GRIK1: variants seen among roughly 807,000 people sequenced by gnomAD.
GRIK1 encodes glutamate ionotropic receptor kainate type subunit 1.
A neutral mutation model predicts 105.7 loss-of-function variants in GRIK1; 69 were observed. The ratio of observed to expected loss-of-function variants is 0.65; its 90% CI spans 0.54 to 0.80. The LOEUF (loss-of-function observed/expected upper bound fraction) is 0.80. GRIK1 is among the 30% of genes least tolerant of loss of function. The pLI is 0.00. For missense variants in GRIK1, 1,109 were observed against 1,167.3 expected (o/e 0.95, Z 0.73); for synonymous variants, 438 against 431.3 (o/e 1.02, Z -0.19).
chr21:29,841,603 G>A (rs890979802), intron 1 of GRIK1, among the ~76,000 whole-genome samples: 1 of 151,992 alleles, frequency 6.6e-6, no homozygotes, highest in Non-Finnish European at 1.5e-5. Context: ...CATCACAAAG[G>A]AACATAAATG....
intron 7 of GRIK1, among the ~76,000 whole-genome samples, chr21:29,608,298 T>C (rs1568880185): frequency 6.6e-6 from 1 of 152,162 alleles, no homozygotes; most frequent in South Asian, 2.1e-4. Context: ...AGAAAATATG[T>C]TCCAAAGTAT....
intron 1 of GRIK1, among the ~76,000 whole-genome samples, chr21:29,709,285 T>TC (rs1280832823): frequency 2.0e-5 from 3 of 149,112 alleles, no homozygotes; most frequent in East Asian, 1.9e-4. Context: ...CTTCTTTTTT[T>TC]TTTTTTTTTT....
intron 6 of GRIK1, among the ~76,000 whole-genome samples, chr21:29,644,049 G>T (rs1207893796): frequency 6.6e-6 from 1 of 152,036 alleles, no homozygotes; most frequent in Non-Finnish European, 1.5e-5. Flanking sequence ...CATTTTCAGA[G>T]TTAAACCTAG....
chr21:29,592,221 C>A (rs1054551666), intron 9 of GRIK1, among the ~76,000 whole-genome samples: 1 of 152,184 alleles, frequency 6.6e-6, no homozygotes, highest in Non-Finnish European at 1.5e-5. Context: ...CAGCAGCTAG[C>A]GTCTTCTGTT....
At chr21:29,911,954 G>A (rs1353063513) in intron 1 of GRIK1, among the ~76,000 whole-genome samples, 1 of 152,062 alleles carries the variant, frequency 6.6e-6, no homozygotes, top group East Asian at 1.9e-4. Context: ...TGTGATTGCT[G>A]AATGAATGTT....
Position 29,668,061 on chromosome 21 carries a change from T to A in GRIK1, c.726+4922A>T, listed in dbSNP as rs923235555. Among the ~76,000 whole-genome samples, 167 of 152,312 alleles carry A rather than the reference T, an allele frequency of 1.1e-3. 14 individuals carry two copies. The highest frequency in any genetic ancestry group is 3.4e-3 in the Middle Eastern group (1 of 294). On this transcript the variant is annotated intron_variant, in intron 4 of 17. Transcript: ENST00000327783. The stretch of plus-strand genomic sequence containing the variant: ...AAGAAAATATGACTTTGGGGATGAT[T>A]TACTGAAAGAATCTAGAACAGTTCT...
At chr21:29,924,372 G>A (rs1459879373) in intron 1 of GRIK1, among the ~76,000 whole-genome samples, 1 of 151,474 alleles carries the variant, frequency 6.6e-6, no homozygotes. Context: ...AAGAAGGTTA[G>A]ATGGAAGAAG....
At chr21:29,924,635 A>T (rs1379202511) in intron 1 of GRIK1, among the ~76,000 whole-genome samples, 3 of 152,174 alleles carry the variant, frequency 2.0e-5, no homozygotes, top group Non-Finnish European at 4.4e-5. Flanking sequence ...TTAATGTCTC[A>T]AAAAATTTTA....
intron 1 of GRIK1, among the ~76,000 whole-genome samples, chr21:29,860,354 C>A (rs914497493): frequency 6.6e-6 from 1 of 152,172 alleles, no homozygotes; most frequent in African/African-American, 2.4e-5. Context: ...TCTTTTGGCT[C>A]AAGACAAGGG....
intron 1 of GRIK1, among the ~76,000 whole-genome samples, chr21:29,795,027 AATTTTTTTT>A (rs1181016542): frequency 8.5e-5 from 7 of 82,152 alleles, no homozygotes; most frequent in Admixed American, 5.0e-4. Flanking sequence ...CTTTGCTCTA[AATTTTTTTT>A]TTTTTTTTTT....
chr21:29,654,398 C>A (rs891774539), intron 5 of GRIK1, among the ~76,000 whole-genome samples: 45 of 152,204 alleles, frequency 3.0e-4, no homozygotes, highest in Admixed American at 1.2e-3. Context: ...TAACCCCTGG[C>A]TAACCCAGCT....
intron 1 of GRIK1, among the ~76,000 whole-genome samples, chr21:29,883,137 A>G (rs2069484851): frequency 6.6e-6 from 1 of 152,100 alleles, no homozygotes; most frequent in South Asian, 2.1e-4. Flanking sequence ...AGTATTTAAT[A>G]TATTTGGAAG....
Position 29,541,575 on chromosome 21 carries a change from C to CTTTTTTTTTTTTTT in GRIK1, c.2608-3705_2608-3692dup, listed in dbSNP as rs34910439. Among the ~76,000 whole-genome samples, 260 of 95,946 alleles carry CTTTTTTTTTTTTTT rather than the reference C, an allele frequency of 2.7e-3. 28 individuals are homozygous for CTTTTTTTTTTTTTT. The highest frequency in any genetic ancestry group is 0.011 in the African/African-American group (228 of 20,932). The allele number at this position is 95,946 out of a possible 152,430, so 62.9% of individuals were successfully genotyped here. ...CTATGCCATTCATTGCACTCACGGT[C>CTTTTTTTTTTTTTT]TTTTTTTTTTTTTTTTTTTTTGTGG... On this transcript the variant is annotated intron_variant, in intron 16 of 17. Coordinates refer to ENST00000327783, the MANE Select transcript of GRIK1 (RefSeq NM_001330994.2).
chr21:29,639,330 G>A (rs1253677296), intron 7 of GRIK1, among the ~76,000 whole-genome samples: 5 of 152,170 alleles, frequency 3.3e-5, no homozygotes, highest in Non-Finnish European at 5.9e-5. Flanking sequence ...GACTGAAAAC[G>A]CATAGCTTGG....
In GRIK1 at chr21:29,555,111, C is replaced by T. The variant is rs761256708; in HGVS notation, c.2548G>A (p.Val850Ile). 6.8e-6 allele frequency: 11 copies of T among 1,611,904 alleles called. No homozygotes were observed. In the African/African-American group the frequency reaches 1.5e-4, roughly 22 times the overall value. ...IVLAAGLVLS[V>I]FVAIGEFIYK... ...ATGAATTCTCCAATAGCTACAAATA[C>T]AGAAAGGACCAGTCCGGCAGCCAGA... is the stretch of plus-strand genomic sequence containing the variant. The change falls in exon 16 of 18, where the codon GTA (valine) becomes ATA (isoleucine). Residue 850 changes from valine (V) to isoleucine (I), a missense_variant. Transcript: ENST00000327783.
At chr21:29,814,646 G>A (rs1409110456) in intron 1 of GRIK1, among the ~76,000 whole-genome samples, 1 of 152,122 alleles carries the variant, frequency 6.6e-6, no homozygotes, top group East Asian at 1.9e-4. Flanking sequence ...GTTTGGGGTT[G>A]TTATGGTGAC....
rs35063316 is a variant in GRIK1, at chr21:29,614,402, CTTTTTTTTT to C, written c.1099-15474_1099-15466del. The stretch of plus-strand genomic sequence containing the variant: ...TAATTGCCTGGAGAATAAAATCCCT[CTTTTTTTTT>C]TTTTTTTTTTTTTTTTTTTGGGACG... On this transcript the variant is annotated intron_variant, in intron 7 of 17. Coordinates refer to ENST00000327783, the MANE Select transcript of GRIK1 (RefSeq NM_001330994.2). Among the ~76,000 whole-genome samples the C allele has an allele frequency of 2.2e-3, 181 of 83,090 alleles. 1 individual carries two copies. Among genetic ancestry groups the C allele is most frequent in the African/African-American group, 7.9e-3 (161 of 20,410 alleles). The allele number at this position is 83,090 out of a possible 152,430, so 54.5% of individuals were successfully genotyped here.
intron 1 of GRIK1, among the ~76,000 whole-genome samples, chr21:29,826,275 T>C (rs946047914): frequency 1.3e-5 from 2 of 152,130 alleles, no homozygotes; most frequent in African/African-American, 4.8e-5. Context: ...TCTCTCTCAA[T>C]TGGCTCAGAT....
chr21:29,697,946 C>CT (rs746591146), intron 1 of GRIK1, among the ~76,000 whole-genome samples: 4 of 123,824 alleles, frequency 3.2e-5, no homozygotes, highest in South Asian at 4.9e-4. Flanking sequence ...TTCTTTCTTT[C>CT]TTTTTTCTTT....
Sources: gnomAD v4.1 joint callset for allele counts (sites outside exome capture counted in the v4.1 genomes callset) on GRCh38, gnomAD v4.1.1 for gene constraint, MANE v1.5 for transcripts, NCBI Gene and HGNC (gene_info 2026-07-23, HGNC 2026-07-21) for gene names.